IDH3B: variants seen among roughly 807,000 people sequenced by gnomAD.
The protein encoded by IDH3B is isocitrate dehydrogenase (NAD(+)) 3 non-catalytic subunit beta, also known as isocitrate dehydrogenase [NAD] subunit beta, mitochondrial.
In IDH3B, 40 loss-of-function variants were observed where a neutral mutation model predicts 47.5. The ratio of observed to expected loss-of-function variants is 0.84; its 90% CI spans 0.65 to 1.10. The LOEUF is 1.10. Among genes scored for constraint, IDH3B ranks in the 50% least tolerant of loss-of-function variants. The pLI, the probability that IDH3B is intolerant of heterozygous loss-of-function variation, is 0.00. For synonymous variants in IDH3B, 185 were observed against 191.0 expected (o/e 0.97, Z 0.26); for missense variants, 450 against 505.2 (o/e 0.89, Z 1.05).
rs373711910 is a variant in IDH3B, at chr20:2,659,566, T to C, written c.1030A>G (p.Met344Val). 4.3e-6 allele frequency: 7 copies of C among 1,614,124 alleles called. No homozygotes were observed. The South Asian group carries it at 4.4e-5, about 10-fold the overall frequency. The change falls in exon 11 of 12, where the codon ATG becomes GTG. Residue 344 changes from methionine (M) to valine (V), a missense_variant. Transcript: ENST00000380843. ...RHLNLEYHSS[M>V]IADAVKKVIK... ...ACCTTCTTCACCGCATCTGCGATCA[T>C]GCTGGAGTGATACTCAAGACTGTGG...
At chr20:2,659,228 C>G (rs1045954538) in intron 11 of IDH3B, 22 of 1,441,084 alleles carry the variant, frequency 1.5e-5, no homozygotes, top group African/African-American at 7.2e-5. Flanking sequence ...TGTTCCACCC[C>G]CAAGGAGAGC....
Position 2,659,622 on chromosome 20 carries a change from A to C in IDH3B, c.1011-37T>G, listed in dbSNP as rs562735240. The C allele has an allele frequency of 3.1e-4, 503 of 1,611,656 alleles. 3 individuals carry two copies. The South Asian group carries it at 5.0e-3, about 16-fold the overall frequency. On this transcript the variant is annotated intron_variant, in intron 10 of 11. Coordinates refer to ENST00000380843, the MANE Select transcript of IDH3B (RefSeq NM_006899.5). ...GACAGGAAGAAACTGTGACTCCCCC[A>C]AGACACCTCCCGCTAATTTCCCCAC...
At chr20:2,658,910 T>C in intron 11 of IDH3B, 73 bp from the exon 12 acceptor site, 6 of 1,602,568 alleles carry the variant, frequency 3.7e-6, no homozygotes, top group East Asian at 2.2e-5. Flanking sequence ...GGCAATGTGA[T>C]TGAGGAAATG....
intron 4 of IDH3B, among the ~76,000 whole-genome samples, chr20:2,663,144 G>GGA (rs1555781711): frequency 7.4e-6 from 1 of 134,708 alleles, no homozygotes; most frequent in African/African-American, 2.7e-5. Flanking sequence ...GAAGGGAGGG[G>GGA]AAAAAAAAAA....
intron 4 of IDH3B, among the ~76,000 whole-genome samples, chr20:2,661,259 C>T (rs1402341729): frequency 6.6e-6 from 1 of 152,010 alleles, no homozygotes; most frequent in Non-Finnish European, 1.5e-5. Flanking sequence ...TGCAGTGGCA[C>T]GACCTGGGCT....
In IDH3B at chr20:2,659,447, TC is replaced by T. The variant is rs938081708; in HGVS notation, c.1071+77del. On this transcript the variant is annotated intron_variant, in intron 11 of 11. Coordinates refer to ENST00000380843, the MANE Select transcript of IDH3B (RefSeq NM_006899.5). ...GGGGAAAGGAGACCCCCATTCAGGT[TC>T]CCCAGAGGGTAGTGCCGAGGTGCTG... 3.9e-6 allele frequency: 6 copies of T among 1,552,464 alleles called. No homozygotes were observed. The Admixed American group carries it at 8.3e-5, about 22-fold the overall frequency.
At position 2,660,338 on chromosome 20, in the gene IDH3B, C is replaced by T; in HGVS notation, c.693G>A (p.Gln231=). 6.2e-7 allele frequency: 1 copy of T among 1,614,162 alleles called. No individual in the cohort carries two copies. The highest frequency in any genetic ancestry group is 8.5e-7 in the Non-Finnish European group (1 of 1,180,028). ...ACAGTTCAGCAACTTCCTCACAGCA[C>T]TGCAGGAACAACCCATCCCCAAGTT... ...IMKLGDGLFL[Q]CCEEVAELYP... The change falls in exon 8 of 12, where the codon CAG becomes CAA. Residue 231 remains glutamine (Q), a synonymous_variant. Coordinates refer to ENST00000380843, the MANE Select transcript of IDH3B (RefSeq NM_006899.5). The surrounding 1 kb of genome is among the most constrained non-coding windows in gnomAD (Gnocchi z 5.6).
rs1375287409 is a variant in IDH3B, at chr20:2,660,525, C to T, written c.597G>A (p.Lys199=). Residue 199 remains lysine (K), a synonymous_variant, in exon 7 of 12, where the codon AAG becomes AAA. Transcript: ENST00000380843. This position sits in a 1 kb window ranked among gnomAD's most constrained non-coding sequence, Gnocchi z 5.6. Reference sequence around the variant, plus strand: ...TCTTGGTGGCATAGTCAAAGGCGAACTTTGCAATCCGCTGAGACTTGGCTC... The same window carrying T: ...TCTTGGTGGCATAGTCAAAGGCGAATTTTGCAATCCGCTGAGACTTGGCTC... ...VTRAKSQRIA[K]FAFDYATKKG... is the part of the protein sequence containing the mutation. The T allele has an allele frequency of 2.5e-6, 4 of 1,614,182 alleles. No individual in the cohort carries two copies. The South Asian group carries it at 3.3e-5, about 13-fold the overall frequency.
chr20:2,658,977 A>G, intron 11 of IDH3B, 140 bp from the exon 12 acceptor site: 1 of 1,348,742 alleles, frequency 7.4e-7, no homozygotes, highest in Non-Finnish European at 9.6e-7. Flanking sequence ...TGGAAGGAGG[A>G]GCCAGGATGG....
At chr20:2,661,196 T>TGTGTGTGTGTGC (rs1212183347) in intron 4 of IDH3B, among the ~76,000 whole-genome samples, 6 of 151,760 alleles carry the variant, frequency 4.0e-5, no homozygotes, top group Admixed American at 3.9e-4. Flanking sequence ...TGTGTGTGTG[T>TGTGTGTGTGTGC]GTGTGTGCGT....
At chr20:2,662,639 T>A (rs1210475018) in intron 4 of IDH3B, among the ~76,000 whole-genome samples, 1 of 152,010 alleles carries the variant, frequency 6.6e-6, no homozygotes, top group Non-Finnish European at 1.5e-5. Context: ...GCCAACATGG[T>A]AAAACCCTCT....
In IDH3B at chr20:2,664,167, G is replaced by A. The variant is rs554271438; in HGVS notation, c.22C>T (p.Arg8Cys). The change falls in exon 1 of 12, where the codon CGC (arginine) becomes TGC (cysteine). Residue 8 changes from arginine to cysteine, a missense_variant. Coordinates refer to ENST00000380843, the MANE Select transcript of IDH3B (RefSeq NM_006899.5). ...CGGGGCCTCACTCGGGTCAGCCAGC[G>A]GACTCCGCTCAATGCCGCCATGTTT... is the stretch of plus-strand genomic sequence containing the variant. Reference protein sequence around the residue: MAALSGVRWLTRALVSAG... With the variant: MAALSGVCWLTRALVSAG... 6.2e-6 allele frequency: 10 copies of A among 1,613,624 alleles called. No homozygotes were observed. Among genetic ancestry groups the A allele is most frequent in the South Asian group, 4.4e-5 (4 of 90,952 alleles).
At position 2,659,879 on chromosome 20, in the gene IDH3B, G is replaced by C; in HGVS notation, c.916-86C>G. 4.2e-6 allele frequency: 6 copies of C among 1,414,124 alleles called. No individual in the cohort carries two copies. In the Middle Eastern group the frequency reaches 6.2e-4, roughly 146 times the overall value. 87.6% of individuals were successfully genotyped at this position (1,414,124 alleles called of 1,614,324 possible). ...GGTTGGAAAAGGACATTATGGGAGG[G>C]GGAGCTCAGGCCAGGGTCACTGAAA... On this transcript the variant is annotated intron_variant, in intron 9 of 11. Coordinates refer to ENST00000380843, the MANE Select transcript of IDH3B (RefSeq NM_006899.5).
chr20:2,660,625 G>C lies in IDH3B; in HGVS notation c.532-35C>G, dbSNP rs1021999441. 87 of 1,613,980 alleles carry C rather than the reference G, an allele frequency of 5.4e-5. No individual in the cohort carries two copies. The highest frequency in any genetic ancestry group is 7.2e-5 in the Non-Finnish European group (85 of 1,180,024). The stretch of plus-strand genomic sequence containing the variant: ...AAGAAAGCAGCAGCTAGGTGACACT[G>C]GGAAGGGAAACAAGGAGCTCCACCT... On this transcript the variant is annotated intron_variant, in intron 6 of 11. Coordinates refer to ENST00000380843, the MANE Select transcript of IDH3B (RefSeq NM_006899.5). This position sits in a 1 kb window ranked among gnomAD's most constrained non-coding sequence, Gnocchi z 5.6.
chr20:2,659,979 G>A (rs968180181), intron 9 of IDH3B, 51 bp downstream of exon 9: 3 of 1,610,740 alleles, frequency 1.9e-6, no homozygotes, highest in African/African-American at 2.7e-5. Flanking sequence ...GATGGGAGAG[G>A]AATGGCGGAC....
chr20:2,659,483 C>A (rs1265039721), intron 11 of IDH3B, 42 bp downstream of exon 11: 10 of 1,601,978 alleles, frequency 6.2e-6, no homozygotes, highest in Non-Finnish European at 8.6e-6. Flanking sequence ...GACACCAGAA[C>A]TACTCTAAAT....
Position 2,660,494 on chromosome 20 carries a change from G to C in IDH3B, c.628C>G (p.Arg210Gly). ...TTGTGGACAGCAGTGACCTTGCCCC[G>C]CCCCTTCTTGGTGGCATAGTCAAAG... ...FAFDYATKKG[R>G]GKVTAVHKAN... The change falls in exon 7 of 12, where the codon CGG becomes GGG. Residue 210 changes from arginine (R) to glycine (G), a missense_variant. Arg to Gly is a moderately radical substitution (Grantham distance 125). Transcript: ENST00000380843. The surrounding 1 kb of genome is among the most constrained non-coding windows in gnomAD (Gnocchi z 5.6). 1 of 1,614,004 alleles carries C rather than the reference G, an allele frequency of 6.2e-7. No individual in the cohort carries two copies. The highest frequency in any genetic ancestry group is 8.5e-7 in the Non-Finnish European group (1 of 1,179,990).
intron 4 of IDH3B, among the ~76,000 whole-genome samples, chr20:2,662,744 G>A: frequency 6.6e-6 from 1 of 151,760 alleles, no homozygotes; most frequent in East Asian, 1.9e-4. Context: ...CACAAGGTCA[G>A]GAGTTCGAGA....
At chr20:2,663,336 T>G in intron 4 of IDH3B, 110 bp downstream of exon 4, 8 of 1,268,288 alleles carry the variant, frequency 6.3e-6, no homozygotes, top group Non-Finnish European at 9.2e-6. Context: ...CCAATGGTGG[T>G]TGCCCTGGAG....
Sources: allele counts gnomAD v4.1 joint callset (sites outside exome capture counted in the v4.1 genomes callset), GRCh38; gene constraint gnomAD v4.1.1; non-coding constraint Gnocchi (gnomAD v3.1); transcripts MANE v1.5; gene names NCBI Gene and HGNC (gene_info 2026-07-23, HGNC 2026-07-21).